Variants in TRANK1 observed in about 807,000 individuals in gnomAD.
TRANK1 encodes TPR and ankyrin repeat-containing protein 1.
In TRANK1, 198 loss-of-function variants were observed where a neutral mutation model predicts 266.0. That is an observed-to-expected ratio of 0.74 (90% CI 0.66 to 0.84). TRANK1 has a LOEUF of 0.84. Ranked by LOEUF, TRANK1 falls within the 40% of genes least tolerant of loss-of-function variation. The pLI is 0.00. For missense variants in TRANK1, 3,326 were observed against 3,634.6 expected, an observed-to-expected ratio of 0.92 and a Z score of 2.18; for synonymous variants, 1,396 against 1,384.1, an observed-to-expected ratio of 1.01 and a Z score of -0.19.
In TRANK1 at chr3:36,847,281, G is replaced by A. The variant is rs1406151500; in HGVS notation, c.4953C>T (p.Asn1651=). The change falls in exon 16 of 24, where the codon AAC becomes AAT. Residue 1651 remains asparagine, a synonymous_variant. Coordinates refer to ENST00000645898, the MANE Select transcript of TRANK1 (RefSeq NM_001329998.2). Reference sequence around the variant, plus strand: ...CCAGGGGTACTTCAACCAATGGCCGGTTTTCCTCTCTGGAGTCAGTTGAGG... The same window carrying A: ...CCAGGGGTACTTCAACCAATGGCCGATTTTCCTCTCTGGAGTCAGTTGAGG... The part of the protein sequence containing the change: ...TPTSTDSREE[N]RPLVEVPLDK... 1.2e-6 allele frequency: 2 copies of A among 1,613,644 alleles called. No individual in the cohort carries two copies. Among genetic ancestry groups the A allele is most frequent in the African/African-American group, 1.3e-5 (1 of 75,000 alleles).
rs535593601 is a variant in TRANK1, at chr3:36,841,731, GA to G, written c.5280+890del. Among the ~76,000 whole-genome samples, 174 of 152,230 alleles carry G rather than the reference GA, an allele frequency of 1.1e-3. 1 individual carries two copies. Among genetic ancestry groups the G allele is most frequent in the African/African-American group, 3.8e-3 (159 of 41,534 alleles). On this transcript the variant is annotated intron_variant, in intron 18 of 23. Transcript: ENST00000645898. ...ATTCCTGCTTGGAATTCTGCTGAGG[GA>G]ACGGAGCACTTGGAACTGCCACAGG...
chr3:36,896,570 G>C (rs1260118162), intron 4 of TRANK1, among the ~76,000 whole-genome samples: 1 of 152,180 alleles, frequency 6.6e-6, no homozygotes, highest in Non-Finnish European at 1.5e-5. Context: ...AAGAAGTCCT[G>C]TTAACTGCCC....
At chr3:36,845,969 A>G (rs1297452761) in intron 17 of TRANK1, among the ~76,000 whole-genome samples, 1 of 152,174 alleles carries the variant, frequency 6.6e-6, no homozygotes, top group Non-Finnish European at 1.5e-5. Context: ...AGCACTTTGT[A>G]TTCTCCCAAA....
rs1247734162 is a variant in TRANK1, at chr3:36,879,571, TAAATATATATAAATATAC to T, written c.908-5293_908-5276del. On this transcript the variant is annotated intron_variant, in intron 8 of 23. Coordinates refer to ENST00000645898, the MANE Select transcript of TRANK1 (RefSeq NM_001329998.2). ...ATATCTATATAAATATATAAATATA[TAAATATATATAAATATAC>T]AAATATATAAATATATATAAATATA... 6.6e-5 allele frequency among the ~76,000 whole-genome samples: 7 copies of T among 105,496 alleles called. No homozygotes were observed. The South Asian group carries it at 1.9e-3, about 28-fold the overall frequency. 69.2% of individuals were successfully genotyped at this position (105,496 alleles called of 152,430 possible). A position where few individuals can be genotyped will look rare whatever the true frequency, so the allele number is the denominator to read the frequency against.
rs761438132 is a variant in TRANK1 at position 36,846,308 on chromosome 3, C to T, written c.5131G>A (p.Ala1711Thr). 5.6e-6 allele frequency: 9 copies of T among 1,612,576 alleles called. No homozygotes were observed. Among genetic ancestry groups the T allele is most frequent in the East Asian group, 2.2e-5 (1 of 44,860 alleles). ...FDENREKRAPAFKYFIRRDFV... is the reference protein window; with the variant it reads ...FDENREKRAPTFKYFIRRDFV... ...TCTCTTCTAATGAAATATTTGAATG[C>T]GGGAGCCCGTTTCTCTCGGTTTTCA... Residue 1711 changes from alanine (A) to threonine (T), a missense_variant, in exon 17 of 24, where the codon GCA (alanine) becomes ACA (threonine). By Grantham distance (58) the Ala-to-Thr change is moderately conservative (BLOSUM62 0). Transcript: ENST00000645898.
At position 36,857,341 on chromosome 3, in the gene TRANK1, C is replaced by T; in HGVS notation, c.2381G>A (p.Gly794Asp). ...SEVGEGHAQV[G>D]LGALQLVPDD... ...AGGCACAAGCTGCAAGGCCCCAAGGCCCACCTGAGCATGTCCTTCCCCCAC... is the reference window on the plus strand; with the variant it reads ...AGGCACAAGCTGCAAGGCCCCAAGGTCCACCTGAGCATGTCCTTCCCCCAC... The change falls in exon 13 of 24, where the codon GGC (glycine) becomes GAC (aspartate). Residue 794 changes from glycine to aspartate, a missense_variant. Physicochemically the swap from Gly to Asp is moderately conservative, Grantham distance 94 (BLOSUM62 -1). Coordinates refer to ENST00000645898, the MANE Select transcript of TRANK1 (RefSeq NM_001329998.2). This position sits in a 1 kb window ranked among gnomAD's most constrained non-coding sequence, Gnocchi z 4.3. 1 of 1,607,048 alleles carries T rather than the reference C, an allele frequency of 6.2e-7. No individual in the cohort carries two copies. Among genetic ancestry groups the T allele is most frequent in the Non-Finnish European group, 8.5e-7 (1 of 1,176,706 alleles).
At chr3:36,901,887 C>T (rs965653214) in intron 3 of TRANK1, among the ~76,000 whole-genome samples, 8 of 152,132 alleles carry the variant, frequency 5.3e-5, no homozygotes, top group African/African-American at 1.7e-4. Context: ...CCTCCACTTC[C>T]GGGATTTGGG....
chr3:36,887,981 G>A (rs1219447211), intron 8 of TRANK1, among the ~76,000 whole-genome samples: 1 of 152,194 alleles, frequency 6.6e-6, no homozygotes, highest in Admixed American at 6.5e-5. Flanking sequence ...GTTACCATAT[G>A]ATCCGGCAAT....
In TRANK1 at chr3:36,944,943, G is replaced by A. The variant is rs962994848; in HGVS notation, c.-134C>T. 1 of 918,034 alleles carries A rather than the reference G, an allele frequency of 1.1e-6. No homozygotes were observed. The allele number at this position is 918,034 out of a possible 1,614,324, so 56.9% of individuals were successfully genotyped here. On this transcript the variant is annotated 5_prime_UTR_variant, in exon 1 of 24. Coordinates refer to ENST00000645898, the MANE Select transcript of TRANK1 (RefSeq NM_001329998.2). ...GGCAGGGGCGGCGCGATGCAGAGGC[G>A]GCGTTCGGGGGCCCCCAGCTGCCTG... is the stretch of plus-strand genomic sequence containing the variant.
rs1231422340 is a variant in TRANK1 at position 36,860,909 on chromosome 3, C to T, written c.1492G>A (p.Gly498Arg). 6.5e-7 allele frequency: 1 copy of T among 1,537,348 alleles called. No individual in the cohort carries two copies. The highest frequency in any genetic ancestry group is 1.2e-5 in the South Asian group (1 of 84,056). Residue 498 changes from glycine to arginine, a missense_variant, in exon 11 of 24, where the codon GGA becomes AGA. Gly to Arg is a moderately radical substitution (Grantham distance 125, BLOSUM62 -2). Transcript: ENST00000645898. ...CTTAGCATCCAGTCACTCTCACCTCCACTGTCTATCAGGCAGCCCAGAAGC... is the reference window on the plus strand; with the variant it reads ...CTTAGCATCCAGTCACTCTCACCTCTACTGTCTATCAGGCAGCCCAGAAGC... ...KQLLGCLIDSGALPDGLQESQ... is the reference protein window; with the variant it reads ...KQLLGCLIDSRALPDGLQESQ...
chr3:36,925,939 A>G (rs998503351), intron 1 of TRANK1, among the ~76,000 whole-genome samples: 3 of 152,270 alleles, frequency 2.0e-5, no homozygotes, highest in Non-Finnish European at 4.4e-5. Flanking sequence ...GCAGGCTCTC[A>G]GTAACTCTCC....
rs1462941836 is a variant in TRANK1 at position 36,857,436 on chromosome 3, T to C, written c.2286A>G (p.Ala762=). ...DCLQSSEPLE[A]GAGKEGKKDD... is the part of the protein sequence containing the mutation. The stretch of plus-strand genomic sequence containing the variant: ...CTTTCTTTCCTTCTTTGCCAGCTCC[T>C]GCCTCCAGAGGCTCAGAGCTCTGAA... Residue 762 remains alanine, a synonymous_variant, in exon 13 of 24, where the codon GCA becomes GCG. Transcript: ENST00000645898. The surrounding 1 kb of genome is among the most constrained non-coding windows in gnomAD (Gnocchi z 4.3). 3 of 1,613,856 alleles carry C rather than the reference T, an allele frequency of 1.9e-6. No homozygotes were observed. The highest frequency in any genetic ancestry group is 2.5e-6 in the Non-Finnish European group (3 of 1,179,906).
chr3:36,862,802 A>C (rs1028670142), intron 10 of TRANK1, among the ~76,000 whole-genome samples: 2 of 152,188 alleles, frequency 1.3e-5, no homozygotes, highest in African/African-American at 4.8e-5. Flanking sequence ...ACTAGCAGAG[A>C]GCTCAGTTGA....
chr3:36,832,269 G>C lies in TRANK1; in HGVS notation c.7314C>G (p.Ile2438Met). Residue 2438 changes from isoleucine (I) to methionine (M), a missense_variant, in exon 22 of 24, where the codon ATC (isoleucine) becomes ATG (methionine). Ile to Met is a conservative substitution (Grantham distance 10, BLOSUM62 1). Coordinates refer to ENST00000645898, the MANE Select transcript of TRANK1 (RefSeq NM_001329998.2). ...GGATGAGTGGTTCTTTGCACCTCTT[G>C]ATGAGGACATTCATGAAACGGAAAA... ...RLFFRFMNVL[I>M]KRCKEPLIPS... The C allele has an allele frequency of 5.0e-6, 8 of 1,613,984 alleles. No homozygotes were observed. Among genetic ancestry groups the C allele is most frequent in the Non-Finnish European group, 5.9e-6 (7 of 1,179,900 alleles).
chr3:36,831,103 T>C lies in TRANK1; in HGVS notation c.8480A>G (p.His2827Arg). Residue 2827 changes from histidine to arginine, a missense_variant, in exon 22 of 24, where the codon CAC becomes CGC. Coordinates refer to ENST00000645898, the MANE Select transcript of TRANK1 (RefSeq NM_001329998.2). The surrounding 1 kb of genome is among the most constrained non-coding windows in gnomAD (Gnocchi z 5.0). ...CTGGTAGGCCACTTGCTGCCTCTGG[T>C]GGTGTTCTAGATGGATATGCTGCTC... is the stretch of plus-strand genomic sequence containing the variant. ...SYEQHIHLEH[H>R]QRQQVAYQKY... 1 of 1,613,980 alleles carries C rather than the reference T, an allele frequency of 6.2e-7. No individual in the cohort carries two copies. Among genetic ancestry groups the C allele is most frequent in the Non-Finnish European group, 8.5e-7 (1 of 1,179,888 alleles).
Position 36,865,024 on chromosome 3 carries a change from G to GTTGTTT in TRANK1, c.1079-545_1079-544insAAACAA, listed in dbSNP as rs58393381. Among the ~76,000 whole-genome samples the GTTGTTT allele has an allele frequency of 1.6e-3, 189 of 119,770 alleles. 4 individuals carry two copies. The highest frequency in any genetic ancestry group is 4.6e-3 in the East Asian group (18 of 3,906). The allele number at this position is 119,770 out of a possible 152,430, so 78.6% of individuals were successfully genotyped here. ...TTTTGGGGGTTTTTTTGTTTTTTTGGTTTTTTTTTTTTTTTTTTTTTGAGA... is the reference window on the plus strand; with the variant it reads ...TTTTGGGGGTTTTTTTGTTTTTTTGGTTGTTTTTTTTTTTTTTTTTTTTTTTTGAGA... On this transcript the variant is annotated intron_variant, in intron 9 of 23. Coordinates refer to ENST00000645898, the MANE Select transcript of TRANK1 (RefSeq NM_001329998.2).
At chr3:36,923,444 C>T (rs532147060) in intron 1 of TRANK1, among the ~76,000 whole-genome samples, 7 of 152,008 alleles carry the variant, frequency 4.6e-5, no homozygotes, top group East Asian at 1.9e-4. Context: ...TTAGTATAGA[C>T]GGGGTTTCAC....
intron 8 of TRANK1, among the ~76,000 whole-genome samples, chr3:36,879,404 T>G (rs2079439939): frequency 6.6e-6 from 1 of 150,910 alleles, no homozygotes; most frequent in South Asian, 2.1e-4. Context: ...AGTAACCAGT[T>G]CTACTGATGA....
At position 36,855,283 on chromosome 3, in the gene TRANK1, T is replaced by A. The variant is rs758894126; in HGVS notation, c.4439A>T (p.Asp1480Val). ...IMKGVAFRFS[D>V]LRSLFHYASR... ...GGCATAATGGAACAGAGAGCGCAGATCGCTGAAGCGGAAGGCCACGCCCTT... is the reference window on the plus strand; with the variant it reads ...GGCATAATGGAACAGAGAGCGCAGAACGCTGAAGCGGAAGGCCACGCCCTT... The change falls in exon 13 of 24, where the codon GAT becomes GTT. Residue 1480 changes from aspartate to valine, a missense_variant. By Grantham distance (152) the Asp-to-Val change is radical. Coordinates refer to ENST00000645898, the MANE Select transcript of TRANK1 (RefSeq NM_001329998.2). The A allele has an allele frequency of 3.7e-5, 59 of 1,613,942 alleles. No homozygotes were observed. The highest frequency in any genetic ancestry group is 8.5e-7 in the Non-Finnish European group (1 of 1,179,908).
Sources: allele counts gnomAD v4.1 joint callset (sites outside exome capture counted in the v4.1 genomes callset), GRCh38; gene constraint gnomAD v4.1.1; non-coding constraint Gnocchi (gnomAD v3.1); transcripts MANE v1.5; gene names NCBI Gene and HGNC (gene_info 2026-07-23, HGNC 2026-07-21).